SLC8A3: variants seen among roughly 807,000 people sequenced by gnomAD.
SLC8A3 encodes the protein sodium/calcium exchanger 3.
Under a neutral mutation model 65.4 loss-of-function variants are expected in SLC8A3, and 37 were observed. That is an observed-to-expected ratio of 0.57 (90% CI 0.44 to 0.74). The LOEUF (loss-of-function observed/expected upper bound fraction) is 0.74. Ranked by LOEUF, SLC8A3 falls within the 30% of genes least tolerant of loss-of-function variation. The probability of loss-of-function intolerance (pLI) is 0.00; values close to 1 mark genes in which losing one functional copy is unlikely to be tolerated. For missense variants in SLC8A3, 1,112 were observed against 1,172.1 expected, an observed-to-expected ratio of 0.95 and a Z score of 0.75; for synonymous variants, 461 against 444.5, an observed-to-expected ratio of 1.04 and a Z score of -0.47.
intron 2 of SLC8A3, among the ~76,000 whole-genome samples, chr14:70,140,814 C>T (rs981882256): frequency 1.3e-5 from 2 of 148,930 alleles, no homozygotes; most frequent in African/African-American, 4.9e-5. Flanking sequence ...ATCAGCAGCA[C>T]CTGGCATTTA....
chr14:70,064,295 G>A (rs1594918258), intron 2 of SLC8A3, among the ~76,000 whole-genome samples: 1 of 152,314 alleles, frequency 6.6e-6, no homozygotes, highest in East Asian at 1.9e-4. Flanking sequence ...AGTTATGAGA[G>A]CAATGAAATA....
Position 70,168,344 on chromosome 14 carries a change from C to T in SLC8A3, c.79G>A (p.Gly27Ser). 1.9e-6 allele frequency: 3 copies of T among 1,614,124 alleles called. No individual in the cohort carries two copies. The highest frequency in any genetic ancestry group is 2.5e-6 in the Non-Finnish European group (3 of 1,180,010). ...GLVTFVLFLN[G>S]LRAEAGGSGD... ...GAGCCACCAGCCTCTGCTCGAAGAC[C>T]ATTCAGGAAGAGCACAAAGGTAACC... is the stretch of plus-strand genomic sequence containing the variant. The change falls in exon 2 of 7, where the codon GGT becomes AGT. Residue 27 changes from glycine (G) to serine (S), a missense_variant. Transcript: ENST00000356921.
chr14:70,126,074 C>A lies in SLC8A3; in HGVS notation c.1784+40565G>T, dbSNP rs150721754. ...TTTTGTTTTTCCTAAAGAGTTTTCA[C>A]CAGCAGAGTCCAGCTCTTACCTTGG... On this transcript the variant is annotated intron_variant, in intron 2 of 6. Transcript: ENST00000356921. Among the ~76,000 whole-genome samples the A allele has an allele frequency of 6.0e-4, 92 of 152,308 alleles. 2 individuals carry two copies. The South Asian group carries it at 0.01, about 17-fold the overall frequency.
intron 2 of SLC8A3, among the ~76,000 whole-genome samples, chr14:70,116,349 GTGTGTGTA>G (rs1311501420): frequency 2.6e-5 from 4 of 151,772 alleles, no homozygotes; most frequent in Admixed American, 6.6e-5. Flanking sequence ...GTGTGTGTGT[GTGTGTGTA>G]TGTGTGTGCA....
At chr14:70,135,912 A>G (rs555903808) in intron 2 of SLC8A3, among the ~76,000 whole-genome samples, 1 of 152,338 alleles carries the variant, frequency 6.6e-6, no homozygotes, top group African/African-American at 2.4e-5. Flanking sequence ...AATGTCCCCA[A>G]TCAAAGAAAT....
intron 2 of SLC8A3, among the ~76,000 whole-genome samples, chr14:70,144,334 A>ATT (rs1174670294): frequency 6.9e-4 from 90 of 129,774 alleles, no homozygotes; most frequent in Non-Finnish European, 1.2e-3. Context: ...TTTTTTTTAA[A>ATT]AAAAAAAAAA....
Position 70,167,943 on chromosome 14 carries a change from G to A in SLC8A3, c.480C>T (p.Phe160=). ...TAGAAGGTCCCAGATCACCAGCAATGAACCCATGACCACACACCTCAATTA... is the reference window on the plus strand; with the variant it reads ...TAGAAGGTCCCAGATCACCAGCAATAAACCCATGACCACACACCTCAATTA... The part of the protein sequence containing the change: ...LSLIEVCGHG[F]IAGDLGPSTI... The change falls in exon 2 of 7, where the codon TTC becomes TTT. Residue 160 remains phenylalanine, a synonymous_variant. Transcript: ENST00000356921. 2 of 1,614,128 alleles carry A rather than the reference G, an allele frequency of 1.2e-6. No individual in the cohort carries two copies. The highest frequency in any genetic ancestry group is 1.7e-6 in the Non-Finnish European group (2 of 1,180,010).
At chr14:70,179,620 T>C (rs972605951) in intron 1 of SLC8A3, among the ~76,000 whole-genome samples, 1 of 152,142 alleles carries the variant, frequency 6.6e-6, no homozygotes, top group East Asian at 1.9e-4. Context: ...TGGGACCACA[T>C]AGTGTTTGGA....
chr14:70,082,465 TAACAACAAC>T (rs923498825), intron 2 of SLC8A3, among the ~76,000 whole-genome samples: 2 of 152,082 alleles, frequency 1.3e-5, no homozygotes, highest in Non-Finnish European at 1.5e-5. Flanking sequence ...AAATCAACAA[TAACAACAAC>T]AACAATGAAA....
rs5029831 is a variant in SLC8A3, at chr14:70,126,560, T to A, written c.1784+40079A>T. On this transcript the variant is annotated intron_variant, in intron 2 of 6. Transcript: ENST00000356921. ...GAAGAAAGAAAATTCTCTCTCTCTCTCTCTCTCTCTCACACACACACACAC... is the reference window on the plus strand; with the variant it reads ...GAAGAAAGAAAATTCTCTCTCTCTCACTCTCTCTCTCACACACACACACAC... 2.2e-3 allele frequency among the ~76,000 whole-genome samples: 220 copies of A among 98,294 alleles called. 1 individual carries two copies. Among genetic ancestry groups the A allele is most frequent in the South Asian group, 5.3e-3 (18 of 3,428 alleles). The allele number at this position is 98,294 out of a possible 152,430, so 64.5% of individuals were successfully genotyped here.
intron 2 of SLC8A3, among the ~76,000 whole-genome samples, chr14:70,097,472 TG>T (rs1327489483): frequency 1.3e-5 from 2 of 152,184 alleles, no homozygotes; most frequent in Non-Finnish European, 2.9e-5. Context: ...TCCGGTTGTC[TG>T]GGTACAAAAC....
At chr14:70,080,561 A>T (rs775230681) in intron 2 of SLC8A3, among the ~76,000 whole-genome samples, 3 of 152,180 alleles carry the variant, frequency 2.0e-5, no homozygotes, top group African/African-American at 4.8e-5. Flanking sequence ...GAGTCAGGAG[A>T]CAGCAAATGG....
intron 2 of SLC8A3, among the ~76,000 whole-genome samples, chr14:70,128,159 C>A (rs1204222469): frequency 1.3e-5 from 2 of 152,180 alleles, no homozygotes; most frequent in East Asian, 3.8e-4. Context: ...TCATCTTTGA[C>A]CCTGTTCTCT....
intron 2 of SLC8A3, among the ~76,000 whole-genome samples, chr14:70,097,716 A>G (rs1892283874): frequency 6.6e-6 from 1 of 152,144 alleles, no homozygotes; most frequent in Non-Finnish European, 1.5e-5. Flanking sequence ...GTCTTGTAAT[A>G]CAAGAACACA....
intron 2 of SLC8A3, among the ~76,000 whole-genome samples, chr14:70,118,790 G>C (rs555286731): frequency 5.9e-5 from 9 of 152,260 alleles, no homozygotes; most frequent in Admixed American, 1.3e-4. Flanking sequence ...CTGTGTGGAG[G>C]CATCAGGGGG....
intron 2 of SLC8A3, among the ~76,000 whole-genome samples, chr14:70,132,630 T>C (rs925812279): frequency 6.6e-6 from 1 of 152,192 alleles, no homozygotes; most frequent in African/African-American, 2.4e-5. Flanking sequence ...CATTTGTCAA[T>C]TGCATTTCAG....
chr14:70,126,133 A>C (rs557404756), intron 2 of SLC8A3, among the ~76,000 whole-genome samples: 1 of 152,332 alleles, frequency 6.6e-6, no homozygotes, highest in Admixed American at 6.5e-5. Context: ...CCCCAGAATT[A>C]GAAGAAATGG....
At chr14:70,098,808 G>T (rs1231559437) in intron 2 of SLC8A3, among the ~76,000 whole-genome samples, 1 of 152,224 alleles carries the variant, frequency 6.6e-6, no homozygotes, top group African/African-American at 2.4e-5. Flanking sequence ...AAAATGAAAA[G>T]GTGCCGACTC....
At chr14:70,142,159 C>A (rs1018104112) in intron 2 of SLC8A3, among the ~76,000 whole-genome samples, 6 of 152,194 alleles carry the variant, frequency 3.9e-5, no homozygotes, top group African/African-American at 1.4e-4. Context: ...GAGAAGCAGG[C>A]CTGATATGGA....
Sources: gnomAD v4.1 joint callset for allele counts (sites outside exome capture counted in the v4.1 genomes callset) on GRCh38, gnomAD v4.1.1 for gene constraint, MANE v1.5 for transcripts, NCBI Gene and HGNC (gene_info 2026-07-23, HGNC 2026-07-21) for gene names.